The following SIPA1L3 variants were observed in gnomAD, a reference collection of about 807,000 sequenced individuals.
SIPA1L3 encodes the protein signal-induced proliferation-associated 1-like protein 3.
In SIPA1L3, 59 loss-of-function variants were observed where a neutral mutation model predicts 150.1. The ratio of observed to expected loss-of-function variants is 0.39; its 90% CI spans 0.32 to 0.49. The LOEUF is 0.49. Among genes scored for constraint, SIPA1L3 ranks in the 20% least tolerant of loss-of-function variants. SIPA1L3 has a pLI of 0.86. For synonymous variants in SIPA1L3, 1,070 were observed against 1,077.6 expected (o/e 0.99, Z 0.14); for missense variants, 2,211 against 2,489.5 (o/e 0.89, Z 2.38).
intron 1 of SIPA1L3, among the ~76,000 whole-genome samples, chr19:37,914,387 T>TTG (rs1555763711): frequency 1.3e-5 from 2 of 151,808 alleles, no homozygotes; most frequent in African/African-American, 4.8e-5. Flanking sequence ...TTTTTTTTTT[T>TTG]TGTGGCAGGG....
At chr19:38,084,914 A>G (rs1019718398) in intron 3 of SIPA1L3, among the ~76,000 whole-genome samples, 1 of 152,098 alleles carries the variant, frequency 6.6e-6, no homozygotes, top group African/African-American at 2.4e-5. Context: ...AGTTGGGATT[A>G]CAGGCGTGAG....
intron 19 of SIPA1L3, among the ~76,000 whole-genome samples, chr19:38,199,466 C>T (rs1444115211): frequency 1.3e-5 from 2 of 152,238 alleles, no homozygotes; most frequent in Admixed American, 1.3e-4. Flanking sequence ...CCTGGCATGC[C>T]TGGGAGCTGT....
At chr19:37,920,355 A>G (rs1045487326) in intron 1 of SIPA1L3, among the ~76,000 whole-genome samples, 2 of 152,108 alleles carry the variant, frequency 1.3e-5, no homozygotes, top group Non-Finnish European at 2.9e-5. Flanking sequence ...ACCATGCCCA[A>G]CCTAAAAAGT....
intron 1 of SIPA1L3, among the ~76,000 whole-genome samples, chr19:37,922,508 C>T (rs1271426585): frequency 6.6e-6 from 1 of 152,018 alleles, no homozygotes; most frequent in African/African-American, 2.4e-5. Context: ...ATTCTCCTGC[C>T]TCAGCCTCCC....
Position 38,186,251 on chromosome 19 carries a change from G to A in SIPA1L3, c.4430+3511G>A, listed in dbSNP as rs968942157. 3.3e-5 allele frequency: 5 copies of A among 152,238 alleles called. No individual in the cohort carries two copies. In the South Asian group the frequency reaches 8.3e-4, roughly 25 times the overall value. 9.4% of individuals were successfully genotyped at this position (152,238 alleles called of 1,614,324 possible). The stretch of plus-strand genomic sequence containing the variant: ...AACTAAGCATATAAAATATCAGCAG[G>A]AGACACAAATGAAATCGCTTCATAG... On this transcript the variant is annotated intron_variant, in intron 16 of 21. Transcript: ENST00000222345.
intron 1 of SIPA1L3, among the ~76,000 whole-genome samples, chr19:37,979,364 C>T (rs189211712): frequency 9.9e-5 from 15 of 151,388 alleles, no homozygotes; most frequent in African/African-American, 3.4e-4. Context: ...GCCTGGCCAA[C>T]ATGGTGAAAC....
rs149431395 is a variant in SIPA1L3, at chr19:38,164,808, C to A, written c.4110C>A (p.Ala1370=). Reference sequence around the variant, plus strand: ...AGGTCTCCCCTGCCCCCGCAGTTGCCGGCCAAAGCAAGGGCTACCGACCGA... The same window carrying A: ...AGGTCTCCCCTGCCCCCGCAGTTGCAGGCCAAAGCAAGGGCTACCGACCGA... ...RREVSPAPAV[A]GQSKGYRPKL... The change falls in exon 15 of 22, where the codon GCC becomes GCA. Residue 1370 remains alanine (A), a synonymous_variant. Coordinates refer to ENST00000222345, the MANE Select transcript of SIPA1L3 (RefSeq NM_015073.3). The surrounding 1 kb of genome is among the most constrained non-coding windows in gnomAD (Gnocchi z 4.1). 10 of 1,611,270 alleles carry A rather than the reference C, an allele frequency of 6.2e-6. No homozygotes were observed. In the African/African-American group the frequency reaches 1.2e-4, roughly 19 times the overall value.
chr19:38,037,925 C>T (rs1011065732), intron 2 of SIPA1L3, among the ~76,000 whole-genome samples: 5 of 152,200 alleles, frequency 3.3e-5, no homozygotes, highest in African/African-American at 1.2e-4. Flanking sequence ...CTGTCTGTCA[C>T]GGTGCCTTCA....
rs922570597 is a variant in SIPA1L3, at chr19:38,074,798, T to C, written c.-310-6458T>C. The stretch of plus-strand genomic sequence containing the variant: ...TTTGATTTTTGAGATAGAGTCTTGC[T>C]CTATCACTTGGGCTGGAGTGCAGTG... On this transcript the variant is annotated intron_variant, in intron 2 of 21. Coordinates refer to ENST00000222345, the MANE Select transcript of SIPA1L3 (RefSeq NM_015073.3). Among the ~76,000 whole-genome samples the C allele has an allele frequency of 2.6e-5, 4 of 152,342 alleles. No individual in the cohort carries two copies. In the East Asian group the frequency reaches 7.7e-4, roughly 29 times the overall value.
chr19:38,134,939 A>G (rs1971401354), intron 10 of SIPA1L3, among the ~76,000 whole-genome samples: 3 of 152,172 alleles, frequency 2.0e-5, no homozygotes, highest in Admixed American at 1.3e-4. Flanking sequence ...AGAGGAGGGC[A>G]CAAGATGGGG....
chr19:38,064,047 A>G (rs1029459577), intron 2 of SIPA1L3, among the ~76,000 whole-genome samples: 3 of 152,094 alleles, frequency 2.0e-5, no homozygotes, highest in Non-Finnish European at 1.5e-5. Flanking sequence ...CTCTACAAAC[A>G]TGGCTGTAGC....
chr19:38,159,656 C>T (rs1451984648), intron 13 of SIPA1L3, among the ~76,000 whole-genome samples: 1 of 152,260 alleles, frequency 6.6e-6, no homozygotes, highest in Admixed American at 6.5e-5. Context: ...ATCCGAGCCA[C>T]ACGTCCTGCC....
intron 1 of SIPA1L3, among the ~76,000 whole-genome samples, chr19:37,948,397 G>C (rs1386929564): frequency 6.6e-6 from 1 of 151,798 alleles, no homozygotes; most frequent in African/African-American, 2.4e-5. Context: ...GCCTGGGAAG[G>C]TTAAGGCTGC....
At chr19:37,941,670 T>C (rs1371395744) in intron 1 of SIPA1L3, among the ~76,000 whole-genome samples, 1 of 152,202 alleles carries the variant, frequency 6.6e-6, no homozygotes, top group Admixed American at 6.5e-5. Context: ...GTAATGAGAC[T>C]GTGGACATTC....
At chr19:38,174,710 T>G (rs1972401668) in intron 15 of SIPA1L3, among the ~76,000 whole-genome samples, 1 of 151,560 alleles carries the variant, frequency 6.6e-6, no homozygotes, top group African/African-American at 2.4e-5. Context: ...ATTAGCCAGG[T>G]GTGGTGGCGG....
chr19:37,972,523 T>C (rs988828891), intron 1 of SIPA1L3, among the ~76,000 whole-genome samples: 1 of 152,058 alleles, frequency 6.6e-6, no homozygotes, highest in Non-Finnish European at 1.5e-5. Context: ...GGCAGCATAC[T>C]GAAGCCCCAT....
At chr19:38,155,267 C>T (rs532716324) in intron 13 of SIPA1L3, among the ~76,000 whole-genome samples, 25 of 152,014 alleles carry the variant, frequency 1.6e-4, no homozygotes, top group African/African-American at 5.5e-4. Context: ...ACAGAGACAA[C>T]GTCTTGCCAT....
At chr19:38,003,195 A>G (rs1247046945) in intron 1 of SIPA1L3, among the ~76,000 whole-genome samples, 1 of 152,186 alleles carries the variant, frequency 6.6e-6, no homozygotes, top group Non-Finnish European at 1.5e-5. Flanking sequence ...GTAAACATCA[A>G]CTGAAGACCC....
chr19:38,106,493 C>T (rs973154518), intron 6 of SIPA1L3, 44 bp from the exon 7 acceptor site: 2 of 1,353,674 alleles, frequency 1.5e-6, no homozygotes, highest in Non-Finnish European at 2.1e-6. Flanking sequence ...GGCAAAAACC[C>T]AGAGGTTTTG....
Sources: gnomAD v4.1 joint callset for allele counts (sites outside exome capture counted in the v4.1 genomes callset) on GRCh38, gnomAD v4.1.1 for gene constraint, Gnocchi (gnomAD v3.1) non-coding constraint, MANE v1.5 for transcripts, NCBI Gene and HGNC (gene_info 2026-07-23, HGNC 2026-07-21) for gene names.